PITPNM3: variants seen among roughly 807,000 people sequenced by gnomAD.
PITPNM3 encodes PITPNM family member 3.
In PITPNM3, 26 loss-of-function variants were observed where a neutral mutation model predicts 102.0. The ratio of observed to expected loss-of-function variants is 0.25; its 90% CI spans 0.19 to 0.35. The LOEUF (loss-of-function observed/expected upper bound fraction) is 0.35, where lower values mean the gene tolerates loss of function less well. Ranked by LOEUF, PITPNM3 falls within the 10% of genes least tolerant of loss-of-function variation. PITPNM3 has a pLI of 1.00. For missense variants in PITPNM3, 1,083 were observed against 1,346.1 expected (o/e 0.80, Z 3.06); for synonymous variants, 578 against 558.6 (o/e 1.03, Z -0.49).
intron 6 of PITPNM3, chr17:6,480,656 G>A (rs1905612946): frequency 2.0e-5 from 3 of 152,302 alleles, no homozygotes; most frequent in Admixed American, 2.0e-4. Context: ...GAGGTGCAGA[G>A]GCCTCCCTCC....
Position 6,478,608 on chromosome 17 carries a change from C to T in PITPNM3, c.716G>A (p.Arg239Gln), listed in dbSNP as rs751378793. Reference sequence around the variant, plus strand: ...GAACTCTCTGTAGACCTGGTTGGCTCGCTCGATGACGGTGGCGACAGCATC... The same window carrying T: ...GAACTCTCTGTAGACCTGGTTGGCTTGCTCGATGACGGTGGCGACAGCATC... ...YQDAVATVIE[R>Q]ANQVYREFLK... Residue 239 changes from arginine to glutamine, a missense_variant, in exon 7 of 20, where the codon CGA becomes CAA. This residue lies in a region of PITPNM3 where 290 missense variants were observed against 337.8 expected (regional missense o/e 0.86). Coordinates refer to ENST00000262483, the MANE Select transcript of PITPNM3 (RefSeq NM_031220.4). This position sits in a 1 kb window ranked among gnomAD's most constrained non-coding sequence, Gnocchi z 4.4. The T allele has an allele frequency of 1.2e-5, 19 of 1,613,952 alleles. No homozygotes were observed. Among genetic ancestry groups the T allele is most frequent in the Middle Eastern group, 1.6e-4 (1 of 6,084 alleles).
rs968076576 is a variant in PITPNM3, at chr17:6,452,290, C to T, written c.*3048G>A. 1 of 152,206 alleles carries T rather than the reference C, an allele frequency of 6.6e-6. No individual in the cohort carries two copies. Among genetic ancestry groups the T allele is most frequent in the South Asian group, 2.1e-4 (1 of 4,830 alleles). 9.4% of individuals were successfully genotyped at this position (152,206 alleles called of 1,614,324 possible). A position where few individuals can be genotyped will look rare whatever the true frequency, so the allele number is the denominator to read the frequency against. ...TGATGCTGGAAGAGCAGGTCCTGGG[C>T]TAAGGATGCACCCTGAACCCCAACA... On this transcript the variant is annotated 3_prime_UTR_variant, in exon 20 of 20. Coordinates refer to ENST00000262483, the MANE Select transcript of PITPNM3 (RefSeq NM_031220.4).
At chr17:6,529,105 G>C (rs1909000222) in intron 2 of PITPNM3, among the ~76,000 whole-genome samples, 1 of 152,168 alleles carries the variant, frequency 6.6e-6, no homozygotes, top group African/African-American at 2.4e-5. Context: ...ACCTGACCCA[G>C]CTCTGATTAA....
chr17:6,552,728 AC>A (rs910327776), intron 1 of PITPNM3, among the ~76,000 whole-genome samples: 24 of 118,192 alleles, frequency 2.0e-4, no homozygotes, highest in African/African-American at 7.5e-4. Flanking sequence ...CACTACCCCC[AC>A]CTGGAAGCCG....
chr17:6,500,224 C>T (rs1250437587), intron 4 of PITPNM3, among the ~76,000 whole-genome samples: 1 of 152,190 alleles, frequency 6.6e-6, no homozygotes, highest in Non-Finnish European at 1.5e-5. Context: ...ACTTTTACCA[C>T]CTCGCAATTT....
chr17:6,554,477 T>C (rs1029105990), intron 1 of PITPNM3, among the ~76,000 whole-genome samples: 1 of 151,918 alleles, frequency 6.6e-6, no homozygotes, highest in African/African-American at 2.4e-5. Flanking sequence ...ACACGGGGAA[T>C]CTGTGTTGCC....
chr17:6,503,411 T>C (rs3809836), intron 4 of PITPNM3, 116 bp downstream of exon 4: 502,197 of 1,228,434 alleles, frequency 0.41, 103,451 homozygotes, highest in Admixed American at 0.46. Flanking sequence ...GCAGGCAAGA[T>C]GGCAGGGATC....
chr17:6,502,729 G>A (rs1048346127), intron 4 of PITPNM3, among the ~76,000 whole-genome samples: 1 of 152,150 alleles, frequency 6.6e-6, no homozygotes, highest in Non-Finnish European at 1.5e-5. Flanking sequence ...AACACACATG[G>A]AGTCCTCTCC....
chr17:6,507,211 G>A lies in PITPNM3; in HGVS notation c.227-3637C>T, dbSNP rs150027863. On this transcript the variant is annotated intron_variant, in intron 3 of 19. Coordinates refer to ENST00000262483, the MANE Select transcript of PITPNM3 (RefSeq NM_031220.4). The stretch of plus-strand genomic sequence containing the variant: ...CCAAGATCCCAGGAGGCTTCAAGGC[G>A]GCAGGAGGCAGGACCATGTGAGAGC... Among the ~76,000 whole-genome samples the A allele has an allele frequency of 3.1e-3, 475 of 152,268 alleles. 5 individuals are homozygous for A. The highest frequency in any genetic ancestry group is 0.01 in the African/African-American group (433 of 41,562).
Position 6,483,693 on chromosome 17 carries a change from TC to T in PITPNM3, c.410del (p.Gly137GlufsTer61). On this transcript the variant is annotated frameshift_variant, in exon 6 of 20. Coordinates refer to ENST00000262483, the MANE Select transcript of PITPNM3 (RefSeq NM_031220.4). LOFTEE classifies it high-confidence loss of function. The stretch of plus-strand genomic sequence containing the variant: ...CCCCGGCACCCGTGTCCAGGATGTT[TC>T]CCCCATGCAGGACCAGCAGGAGGAC... ...THVLLLVLHG[G>X]NILDTGAGDP... 6.2e-7 allele frequency: 1 copy of T among 1,613,824 alleles called. No homozygotes were observed. Among genetic ancestry groups the T allele is most frequent in the East Asian group, 2.2e-5 (1 of 44,842 alleles).
chr17:6,494,452 AAAGG>A (rs986343123), intron 4 of PITPNM3, among the ~76,000 whole-genome samples: 3 of 152,276 alleles, frequency 2.0e-5, no homozygotes, highest in African/African-American at 7.2e-5. Context: ...GCACATACAC[AAAGG>A]AATGCAGTGG....
rs1567656698 is a variant in PITPNM3, at chr17:6,455,654, C to CAGGGG, written c.2620-16_2620-12dup. The CAGGGG allele has an allele frequency of 2.7e-6, 3 of 1,112,372 alleles. No homozygotes were observed. The highest frequency in any genetic ancestry group is 3.5e-6 in the Non-Finnish European group (3 of 859,872). 68.9% of individuals were successfully genotyped at this position (1,112,372 alleles called of 1,614,324 possible). A position where few individuals can be genotyped will look rare whatever the true frequency, so the allele number is the denominator to read the frequency against. ...GCCCTCGCTCAGGAACTGCGGAGGG[C>CAGGGG]AGGGGAGGGCAGGGGAGGGCAGGGC... On this transcript the variant is annotated splice_polypyrimidine_tract_variant and intron_variant, in intron 19 of 19. Transcript: ENST00000262483.
rs543151686 is a variant in PITPNM3, at chr17:6,538,886, C to T, written c.23-804G>A. 1.8e-3 allele frequency among the ~76,000 whole-genome samples: 280 copies of T among 152,292 alleles called. 2 individuals are homozygous for T. Among genetic ancestry groups the T allele is most frequent in the South Asian group, 0.014 (69 of 4,826 alleles). On this transcript the variant is annotated intron_variant, in intron 1 of 19. Transcript: ENST00000262483. ...AGGTGAGCCTGATGGTGCAGTCCTT[C>T]GAGATACCTGCTACAGTCCCAGTTC...
chr17:6,463,405 T>C (rs947574568), intron 17 of PITPNM3, among the ~76,000 whole-genome samples: 8 of 53,560 alleles, frequency 1.5e-4, no homozygotes, highest in African/African-American at 6.7e-4. Flanking sequence ...AGCGGATGCG[T>C]GCACGAGTGC....
rs767949777 is a variant in PITPNM3 at position 6,461,432 on chromosome 17, C to T, written c.2431G>A (p.Gly811Arg). 2 of 1,614,144 alleles carry T rather than the reference C, an allele frequency of 1.2e-6. No homozygotes were observed. Among genetic ancestry groups the T allele is most frequent in the Non-Finnish European group, 1.7e-6 (2 of 1,180,030 alleles). The change falls in exon 18 of 20, where the codon GGG becomes AGG. Residue 811 changes from glycine (G) to arginine (R), a missense_variant. Physicochemically the swap from Gly to Arg is moderately radical, Grantham distance 125. Coordinates refer to ENST00000262483, the MANE Select transcript of PITPNM3 (RefSeq NM_031220.4). ...FPQGMIFFSD[G>R]LVHDPLRQKA... Reference sequence around the variant, plus strand: ...TGCCGCAGCGGGTCATGCACCAGCCCATCGGAGAAGAAGATCATGCCCTGT... The same window carrying T: ...TGCCGCAGCGGGTCATGCACCAGCCTATCGGAGAAGAAGATCATGCCCTGT...
At chr17:6,554,255 G>A (rs2150687219) in intron 1 of PITPNM3, among the ~76,000 whole-genome samples, 1 of 150,568 alleles carries the variant, frequency 6.6e-6, no homozygotes, top group South Asian at 2.1e-4. Context: ...AGGAGGCGGA[G>A]GTTGCAGTGA....
At chr17:6,477,571 A>G (rs1905386075) in intron 8 of PITPNM3, among the ~76,000 whole-genome samples, 1 of 151,998 alleles carries the variant, frequency 6.6e-6, no homozygotes. Context: ...TTTGAAACAG[A>G]GTCTCCCTCT....
chr17:6,473,156 T>G (rs1322317588), intron 10 of PITPNM3: 1 of 389,024 alleles, frequency 2.6e-6, no homozygotes. Flanking sequence ...CTCCTTTAGA[T>G]TCTTCCAGTT....
At chr17:6,526,681 A>G (rs1368473507) in intron 2 of PITPNM3, among the ~76,000 whole-genome samples, 3 of 152,222 alleles carry the variant, frequency 2.0e-5, no homozygotes, top group Non-Finnish European at 4.4e-5. Context: ...AACCGTTACC[A>G]TACACTGAGA....
Sources: allele counts gnomAD v4.1 joint callset (sites outside exome capture counted in the v4.1 genomes callset), GRCh38; gene constraint gnomAD v4.1.1; regional missense constraint gnomAD v4.1.1; non-coding constraint Gnocchi (gnomAD v3.1); transcripts MANE v1.5; gene names NCBI Gene and HGNC (gene_info 2026-07-23, HGNC 2026-07-21).